The following PTPRR variants were observed in gnomAD, a reference collection of about 807,000 sequenced individuals.
PTPRR encodes receptor-type tyrosine-protein phosphatase R.
In PTPRR, 38 loss-of-function variants were observed where a neutral mutation model predicts 77.2. The observed-to-expected ratio is 0.49, with a 90% CI of 0.38 to 0.65. The LOEUF is 0.65. PTPRR is among the 30% of genes least tolerant of loss of function. The pLI is 0.00. For missense variants in PTPRR, 744 were observed against 799.2 expected, an observed-to-expected ratio of 0.93 and a Z score of 0.83; for synonymous variants, 299 against 283.1, an observed-to-expected ratio of 1.06 and a Z score of -0.57.
intron 13 of PTPRR, among the ~76,000 whole-genome samples, chr12:70,642,956 A>G (rs1886061845): frequency 6.6e-6 from 1 of 152,142 alleles, no homozygotes; most frequent in African/African-American, 2.4e-5. Context: ...GGATCACTTG[A>G]GCCCAGGAGC....
intron 2 of PTPRR, among the ~76,000 whole-genome samples, chr12:70,768,928 A>C (rs1890898135): frequency 2.0e-5 from 3 of 151,554 alleles, no homozygotes; most frequent in Non-Finnish European, 2.9e-5. Flanking sequence ...ATCTCAACAG[A>C]TGCAGAAAAA....
intron 2 of PTPRR, among the ~76,000 whole-genome samples, chr12:70,792,815 A>ACTTTG (rs1380082650): frequency 6.6e-6 from 1 of 152,170 alleles, no homozygotes; most frequent in Non-Finnish European, 1.5e-5. Flanking sequence ...AACAGGATCT[A>ACTTTG]CTTTGAGGCA....
chr12:70,697,463 C>T (rs1234954522), intron 8 of PTPRR, among the ~76,000 whole-genome samples: 4 of 152,038 alleles, frequency 2.6e-5, no homozygotes. Context: ...CTACATGTCC[C>T]TTATTAGATA....
At chr12:70,686,243 C>T (rs1402617352) in intron 8 of PTPRR, among the ~76,000 whole-genome samples, 1 of 151,990 alleles carries the variant, frequency 6.6e-6, no homozygotes, top group African/African-American at 2.4e-5. Flanking sequence ...AAAACTGAGA[C>T]AAAGAGGAGG....
intron 2 of PTPRR, among the ~76,000 whole-genome samples, chr12:70,829,324 G>T (rs140960405): frequency 6.6e-6 from 1 of 151,992 alleles, no homozygotes; most frequent in African/African-American, 2.4e-5. Flanking sequence ...ATTGAAAAGC[G>T]GTCTACTTGA....
chr12:70,691,057 C>G (rs939845639), intron 8 of PTPRR, among the ~76,000 whole-genome samples: 2 of 152,158 alleles, frequency 1.3e-5, no homozygotes, highest in Non-Finnish European at 2.9e-5. Context: ...CCTTCTCTAG[C>G]AATTATTCTA....
At chr12:70,664,776 G>C (rs1250321639) in intron 10 of PTPRR, 2 of 152,160 alleles carry the variant, frequency 1.3e-5, no homozygotes, top group African/African-American at 4.8e-5. Context: ...AATGTGACTT[G>C]TTCATTCAAA....
chr12:70,885,534 A>ATT (rs34620002), intron 2 of PTPRR, among the ~76,000 whole-genome samples: 29,831 of 136,950 alleles, frequency 0.22, 4,004 homozygotes, highest in Admixed American at 0.37. Context: ...ACAGTTAAGG[A>ATT]TTTTTTTTTT....
At chr12:70,721,126 T>C (rs993725086) in intron 6 of PTPRR, among the ~76,000 whole-genome samples, 26 of 152,190 alleles carry the variant, frequency 1.7e-4, no homozygotes, top group Non-Finnish European at 3.5e-4. Context: ...TTACTTCTCT[T>C]GCTTGGAAGT....
chr12:70,793,860 A>G (rs1297264846), intron 2 of PTPRR, among the ~76,000 whole-genome samples: 1 of 152,140 alleles, frequency 6.6e-6, no homozygotes, highest in Non-Finnish European at 1.5e-5. Context: ...AATTCCCAGG[A>G]CCCTCAGTTC....
intron 8 of PTPRR, among the ~76,000 whole-genome samples, chr12:70,691,358 G>C (rs182492896): frequency 6.6e-6 from 1 of 152,178 alleles, no homozygotes; most frequent in East Asian, 1.9e-4. Context: ...CAACGTTCTG[G>C]TTTTCCTGCT....
chr12:70,777,361 C>T (rs183015239), intron 2 of PTPRR, among the ~76,000 whole-genome samples: 165 of 151,938 alleles, frequency 1.1e-3, no homozygotes, highest in African/African-American at 3.5e-3. Context: ...TGTTATTCTA[C>T]ATTTTTTCTT....
At chr12:70,658,058 T>C (rs749299781) in intron 12 of PTPRR, among the ~76,000 whole-genome samples, 2 of 152,176 alleles carry the variant, frequency 1.3e-5, no homozygotes, top group African/African-American at 2.4e-5. Flanking sequence ...ATGTCTAACC[T>C]CCCTACCATG....
chr12:70,788,969 G>T, intron 2 of PTPRR: 6 of 1,170,516 alleles, frequency 5.1e-6, no homozygotes, highest in South Asian at 1.7e-5. Flanking sequence ...GGAGGTAACC[G>T]CCTGGTACTG....
intron 2 of PTPRR, among the ~76,000 whole-genome samples, chr12:70,834,796 C>G (rs1892273038): frequency 6.6e-6 from 1 of 152,076 alleles, no homozygotes; most frequent in Admixed American, 6.6e-5. Flanking sequence ...CAGTATTTAT[C>G]ATTCTACAGA....
chr12:70,807,150 T>G (rs1414859425), intron 2 of PTPRR, among the ~76,000 whole-genome samples: 1 of 152,176 alleles, frequency 6.6e-6, no homozygotes, highest in Non-Finnish European at 1.5e-5. Flanking sequence ...TGCAGCTATT[T>G]TACAACCATG....
At chr12:70,814,688 A>C (rs1891869529) in intron 2 of PTPRR, among the ~76,000 whole-genome samples, 1 of 152,172 alleles carries the variant, frequency 6.6e-6, no homozygotes, top group Non-Finnish European at 1.5e-5. Flanking sequence ...CCTTCAAGAC[A>C]TGAAAACAAA....
At chr12:70,645,130 G>A (rs1886149494) in intron 13 of PTPRR, among the ~76,000 whole-genome samples, 1 of 152,164 alleles carries the variant, frequency 6.6e-6, no homozygotes, top group African/African-American at 2.4e-5. Flanking sequence ...CAGAGGAGGA[G>A]GATGGGTCAT....
chr12:70,856,896 T>C (rs980342628), intron 2 of PTPRR, among the ~76,000 whole-genome samples: 2 of 152,022 alleles, frequency 1.3e-5, no homozygotes, highest in Non-Finnish European at 2.9e-5. Context: ...TCTATATGCC[T>C]ATATGCTTTA....
Sources: gnomAD v4.1 joint callset for allele counts (sites outside exome capture counted in the v4.1 genomes callset) on GRCh38, gnomAD v4.1.1 for gene constraint, MANE v1.5 for transcripts, NCBI Gene and HGNC (gene_info 2026-07-23, HGNC 2026-07-21) for gene names.